Variants in RPH3AL observed in about 807,000 individuals in gnomAD.
RPH3AL encodes rab effector Noc2.
In RPH3AL, 38 loss-of-function variants were observed where a neutral mutation model predicts 43.1. The ratio of observed to expected loss-of-function variants is 0.88; its 90% CI spans 0.68 to 1.15. The LOEUF (loss-of-function observed/expected upper bound fraction) is 1.15. RPH3AL is among the 50% of genes most tolerant of loss of function. RPH3AL has a pLI of 0.00. For synonymous variants in RPH3AL, 189 were observed against 176.3 expected, an observed-to-expected ratio of 1.07 and a Z score of -0.57; for missense variants, 462 against 423.2, an observed-to-expected ratio of 1.09 and a Z score of -0.81.
intron 6 of RPH3AL, among the ~76,000 whole-genome samples, chr17:266,560 C>G (rs539959503): frequency 1.3e-5 from 2 of 152,324 alleles, no homozygotes; most frequent in South Asian, 2.1e-4. Context: ...CCAAATCCCC[C>G]CTGGGGCAGC....
chr17:351,803 GA>G (rs1368861561), intron 1 of RPH3AL, among the ~76,000 whole-genome samples: 1 of 151,686 alleles, frequency 6.6e-6, no homozygotes, highest in East Asian at 1.9e-4. Flanking sequence ...GAAGGCAGAT[GA>G]AAAAAAACAA....
intron 5 of RPH3AL, among the ~76,000 whole-genome samples, chr17:291,081 T>C (rs1460852384): frequency 6.6e-6 from 1 of 152,206 alleles, no homozygotes; most frequent in African/African-American, 2.4e-5. Context: ...CGCTGTGCTG[T>C]GGAGATGAAC....
chr17:325,790 G>A (rs1360606166), intron 3 of RPH3AL, among the ~76,000 whole-genome samples: 1 of 152,204 alleles, frequency 6.6e-6, no homozygotes, highest in Non-Finnish European at 1.5e-5. Context: ...ACATCTGGTG[G>A]CAGCTGGAGG....
intron 7 of RPH3AL, among the ~76,000 whole-genome samples, chr17:242,899 C>A (rs200066572): frequency 1.6e-5 from 1 of 63,532 alleles, no homozygotes; most frequent in African/African-American, 5.8e-5. Context: ...CCTCTATTGA[C>A]TACCTTCCTC....
At position 246,405 on chromosome 17, in the gene RPH3AL, C is replaced by T. The variant is rs1268920759; in HGVS notation, c.613+706G>A. 1.3e-5 allele frequency among the ~76,000 whole-genome samples: 2 copies of T among 152,140 alleles called. No individual in the cohort carries two copies. Among genetic ancestry groups the T allele is most frequent in the Non-Finnish European group, 2.9e-5 (2 of 68,030 alleles). ...AAGAGCCTGCCCTTGGATCCCAGCT[C>T]GGCCACACACCTGCCGAGGAAGTCC... On this transcript the variant is annotated intron_variant, in intron 7 of 9. Coordinates refer to ENST00000331302, the MANE Select transcript of RPH3AL (RefSeq NM_006987.4). This position sits in a 1 kb window ranked among gnomAD's most constrained non-coding sequence, Gnocchi z 4.8.
intron 1 of RPH3AL, chr17:338,440 G>A (rs2045018292): frequency 8.1e-6 from 1 of 123,486 alleles, no homozygotes; most frequent in African/African-American, 3.2e-5. Context: ...CTGGGTAACA[G>A]AGCAAGACCC....
At chr17:232,159 AGG>A (rs879435071) in intron 7 of RPH3AL, among the ~76,000 whole-genome samples, 263 of 152,346 alleles carry the variant, frequency 1.7e-3, no homozygotes, top group Middle Eastern at 3.4e-3. Flanking sequence ...CCTGAGATTT[AGG>A]GAAAGGGCAG....
Position 294,640 on chromosome 17 carries a change from C to A in RPH3AL, c.352-12786G>T, listed in dbSNP as rs375483054. On this transcript the variant is annotated intron_variant, in intron 5 of 9. Coordinates refer to ENST00000331302, the MANE Select transcript of RPH3AL (RefSeq NM_006987.4). The stretch of plus-strand genomic sequence containing the variant: ...GGGACACAGATGCTGCAGAAATGGA[C>A]AGCAGAGGGAATGCACACAGTGTGG... Among the ~76,000 whole-genome samples, 83 of 55,054 alleles carry A rather than the reference C, an allele frequency of 1.5e-3. 1 individual carries two copies. Among genetic ancestry groups the A allele is most frequent in the Non-Finnish European group, 2.0e-3 (53 of 25,922 alleles). The allele number at this position is 55,054 out of a possible 152,430, so 36.1% of individuals were successfully genotyped here.
intron 5 of RPH3AL, among the ~76,000 whole-genome samples, chr17:285,291 C>T (rs919478183): frequency 1.3e-5 from 2 of 152,162 alleles, no homozygotes; most frequent in Non-Finnish European, 2.9e-5. Context: ...CACGGCACGG[C>T]GCACAGGTTT....
rs1229913527 is a variant in RPH3AL, at chr17:328,134, C to T, written c.-36-555G>A. The stretch of plus-strand genomic sequence containing the variant: ...TGGCAGCTACAGCCAGGATTGCCAC[C>T]CAGCACCATGCCAAGGGGAGCCGTC... On this transcript the variant is annotated intron_variant, in intron 2 of 9. Coordinates refer to ENST00000331302, the MANE Select transcript of RPH3AL (RefSeq NM_006987.4). The surrounding 1 kb of genome is among the most constrained non-coding windows in gnomAD (Gnocchi z 4.2). 1.3e-5 allele frequency among the ~76,000 whole-genome samples: 2 copies of T among 152,070 alleles called. No individual in the cohort carries two copies. Among genetic ancestry groups the T allele is most frequent in the African/African-American group, 4.8e-5 (2 of 41,408 alleles).
At chr17:317,033 C>CATTG (rs2044266728) in intron 5 of RPH3AL, among the ~76,000 whole-genome samples, 1 of 146,638 alleles carries the variant, frequency 6.8e-6, no homozygotes, top group African/African-American at 2.5e-5. Context: ...GCTCCACCTC[C>CATTG]ACTGACCTGT....
intron 5 of RPH3AL, among the ~76,000 whole-genome samples, chr17:293,854 C>T (rs188322005): frequency 4.6e-5 from 7 of 152,184 alleles, no homozygotes; most frequent in Admixed American, 1.3e-4. Context: ...CAAGGCGAAA[C>T]CCCGTCTCTA....
intron 1 of RPH3AL, among the ~76,000 whole-genome samples, chr17:342,939 A>G (rs2045154903): frequency 6.6e-6 from 1 of 152,252 alleles, no homozygotes; most frequent in Non-Finnish European, 1.5e-5. Context: ...CAGATCAAGG[A>G]AATTGTTAGT....
chr17:240,962 C>T (rs1427706663), intron 7 of RPH3AL, among the ~76,000 whole-genome samples: 4 of 151,752 alleles, frequency 2.6e-5, no homozygotes, highest in African/African-American at 9.7e-5. Flanking sequence ...GAGGCTGAGG[C>T]AGGAGAATTG....
At chr17:216,706 G>A (rs991918469) in intron 8 of RPH3AL, among the ~76,000 whole-genome samples, 2 of 152,132 alleles carry the variant, frequency 1.3e-5, no homozygotes, top group Admixed American at 1.3e-4. Context: ...GATGGAGCCT[G>A]GGAAGTCACT....
chr17:294,290 C>T (rs545972200), intron 5 of RPH3AL, among the ~76,000 whole-genome samples: 10 of 73,450 alleles, frequency 1.4e-4, no homozygotes, highest in Non-Finnish European at 2.7e-4. Flanking sequence ...AGCAAGACCC[C>T]GTCTCTACAA....
intron 5 of RPH3AL, among the ~76,000 whole-genome samples, chr17:282,680 T>G (rs920730673): frequency 6.6e-5 from 10 of 152,214 alleles, no homozygotes; most frequent in African/African-American, 2.4e-4. Context: ...GTGAGGTGAT[T>G]GCATCATTGT....
chr17:241,574 C>A (rs185502654), intron 7 of RPH3AL, among the ~76,000 whole-genome samples: 1 of 152,112 alleles, frequency 6.6e-6, no homozygotes, highest in Admixed American at 6.5e-5. Flanking sequence ...AAGCACCATG[C>A]AGAGTGTTGG....
At chr17:324,694 G>C (rs72806074) in intron 3 of RPH3AL, among the ~76,000 whole-genome samples, 1 of 113,764 alleles carries the variant, frequency 8.8e-6, no homozygotes, top group South Asian at 2.7e-4. Context: ...TATCTATCTA[G>C]CTAGCTAGCT....
Sources: allele counts gnomAD v4.1 joint callset (sites outside exome capture counted in the v4.1 genomes callset), GRCh38; gene constraint gnomAD v4.1.1; non-coding constraint Gnocchi (gnomAD v3.1); transcripts MANE v1.5; gene names NCBI Gene and HGNC (gene_info 2026-07-23, HGNC 2026-07-21).